CRB1: variants seen among roughly 807,000 people sequenced by gnomAD.
The protein encoded by CRB1 is protein crumbs homolog 1.
CRB1 carries 83 observed loss-of-function variants against 120.0 expected under a neutral mutation model. The observed-to-expected ratio is 0.69, with a 90% confidence interval of 0.58 to 0.83. The LOEUF is 0.83. CRB1 is among the 40% of genes least tolerant of loss of function. The pLI is 0.00. For missense variants in CRB1, 1,699 were observed against 1,687.6 expected (o/e 1.01, Z -0.12); for synonymous variants, 625 against 612.5 (o/e 1.02, Z -0.30).
At chr1:197,223,215 T>A in the CRB1 span, 1 of 1,173,432 alleles carries the variant, frequency 8.5e-7, no homozygotes, top group Non-Finnish European at 1.3e-6. Flanking sequence ...TATGATAGCA[T>A]CATTTATAGG....
upstream of CRB1, among the ~76,000 whole-genome samples, chr1:197,267,491 A>G (rs1654678627): frequency 6.6e-6 from 1 of 152,188 alleles, no homozygotes; most frequent in African/African-American, 2.4e-5. Context: ...AAAATCAGCT[A>G]TAGAAATTGC....
chr1:197,260,418 C>G, the CRB1 span, among the ~76,000 whole-genome samples: 2 of 151,042 alleles, frequency 1.3e-5, no homozygotes, highest in African/African-American at 4.9e-5. Flanking sequence ...GTTAAAGTCA[C>G]AAAATTTTAA....
intron 8 of CRB1, among the ~76,000 whole-genome samples, chr1:197,431,111 AT>A (rs1664849976): frequency 6.6e-6 from 1 of 152,148 alleles, no homozygotes; most frequent in Admixed American, 6.5e-5. Flanking sequence ...CTGCACTAAA[AT>A]AATGGAATGG....
At chr1:197,221,478 TG>T in the CRB1 span, among the ~76,000 whole-genome samples, 2 of 152,218 alleles carry the variant, frequency 1.3e-5, no homozygotes, top group African/African-American at 2.4e-5. Context: ...TGGAGAGATG[TG>T]CTCAGTGTTT....
intron 11 of CRB1, among the ~76,000 whole-genome samples, chr1:197,449,692 G>A (rs1665865729): frequency 6.6e-6 from 1 of 152,132 alleles, no homozygotes. Flanking sequence ...TATTTTGGCA[G>A]GCAGTCTCTT....
intron 5 of CRB1, among the ~76,000 whole-genome samples, chr1:197,360,071 T>G (rs1242769726): frequency 6.6e-6 from 1 of 152,188 alleles, no homozygotes; most frequent in East Asian, 1.9e-4. Flanking sequence ...TTAATTCAGT[T>G]TCTACATATT....
intron 1 of CRB1, among the ~76,000 whole-genome samples, chr1:197,320,640 T>C (rs146450145): frequency 7.2e-4 from 110 of 152,296 alleles, no homozygotes; most frequent in Middle Eastern, 6.8e-3. Flanking sequence ...TTTAGTTAAG[T>C]AGTTAAACAG....
chr1:197,354,712 A>C (rs973994224), intron 4 of CRB1, among the ~76,000 whole-genome samples: 6 of 149,312 alleles, frequency 4.0e-5, no homozygotes, highest in Admixed American at 6.7e-5. Context: ...AGCAAGAGTT[A>C]TTTCAACAAG....
chr1:197,248,706 CA>C, the CRB1 span, among the ~76,000 whole-genome samples: 3 of 151,918 alleles, frequency 2.0e-5, no homozygotes, highest in Admixed American at 6.6e-5. Context: ...GCATTGTCTA[CA>C]TACTGGCCAG....
At chr1:197,414,007 A>C (rs1350389790) in intron 5 of CRB1, 2 of 454,138 alleles carry the variant, frequency 4.4e-6, no homozygotes. Context: ...ATAGGTAACT[A>C]ACTCTCTTCT....
the CRB1 span, among the ~76,000 whole-genome samples, chr1:197,238,238 A>G: frequency 1.3e-5 from 2 of 152,168 alleles, no homozygotes; most frequent in Non-Finnish European, 2.9e-5. Flanking sequence ...TAATAAGTTT[A>G]CATTCCAGTT....
intron 7 of CRB1, chr1:197,429,204 C>G: frequency 1.3e-6 from 2 of 1,502,964 alleles, no homozygotes; most frequent in Non-Finnish European, 1.8e-6. Flanking sequence ...GAAAAACCCT[C>G]CTTGTGCTAT....
At chr1:197,408,008 T>C (rs1663504294) in intron 5 of CRB1, among the ~76,000 whole-genome samples, 1 of 152,170 alleles carries the variant, frequency 6.6e-6, no homozygotes, top group Admixed American at 6.5e-5. Context: ...CATCAAGATA[T>C]ATACTTTATA....
chr1:197,265,970 C>T (rs1235956449), upstream of CRB1, among the ~76,000 whole-genome samples: 1 of 152,146 alleles, frequency 6.6e-6, no homozygotes. Flanking sequence ...GTCTTTTCCT[C>T]ATACTGAAAA....
At chr1:197,273,670 AC>A (rs1485158323) in intron 1 of CRB1, among the ~76,000 whole-genome samples, 1 of 152,126 alleles carries the variant, frequency 6.6e-6, no homozygotes, top group African/African-American at 2.4e-5. Flanking sequence ...ATAAGTCAAT[AC>A]TATTTTATTT....
chr1:197,268,011 A>C (rs954238079), upstream of CRB1, among the ~76,000 whole-genome samples: 5 of 152,212 alleles, frequency 3.3e-5, no homozygotes, highest in Non-Finnish European at 7.3e-5. Flanking sequence ...AAAAGTTGCC[A>C]GATCATAATT....
At chr1:197,329,791 A>G (rs1658744730) in intron 2 of CRB1, among the ~76,000 whole-genome samples, 1 of 152,190 alleles carries the variant, frequency 6.6e-6, no homozygotes, top group Non-Finnish European at 1.5e-5. Flanking sequence ...TACCTAGCCT[A>G]TGCTTTCTCA....
chr1:197,363,702 T>A, intron 5 of CRB1: 1 of 419,348 alleles, frequency 2.4e-6, no homozygotes, highest in African/African-American at 2.0e-5. Context: ...CCAAGCCCTT[T>A]TGGAACTGTG....
chr1:197,349,139 T>A (rs1659945998), intron 4 of CRB1, among the ~76,000 whole-genome samples: 1 of 152,212 alleles, frequency 6.6e-6, no homozygotes, highest in Non-Finnish European at 1.5e-5. Flanking sequence ...TGTTTAAGTA[T>A]GTTTAGATAC....
Sources: gnomAD v4.1 joint callset for allele counts (sites outside exome capture counted in the v4.1 genomes callset) on GRCh38, gnomAD v4.1.1 for gene constraint, MANE v1.5 for transcripts, NCBI Gene and HGNC (gene_info 2026-07-23, HGNC 2026-07-21) for gene names.